Variants in RNF130 observed in about 807,000 individuals in gnomAD.
RNF130 encodes the protein E3 ubiquitin-protein ligase RNF130.
Under a neutral mutation model 44.6 loss-of-function variants are expected in RNF130, and 21 were observed. The observed-to-expected ratio is 0.47, with a 90% CI of 0.33 to 0.68. The LOEUF (loss-of-function observed/expected upper bound fraction) is 0.68. Among genes scored for constraint, RNF130 ranks in the 30% least tolerant of loss-of-function variants. The pLI is 0.02. For missense variants in RNF130, 479 were observed against 560.6 expected (o/e 0.85, Z 1.47); for synonymous variants, 214 against 210.4 (o/e 1.02, Z -0.15).
At chr5:180,018,106 C>T (rs1215693098) in intron 2 of RNF130, among the ~76,000 whole-genome samples, 1 of 152,054 alleles carries the variant, frequency 6.6e-6, no homozygotes, top group South Asian at 2.1e-4. Context: ...ACCAGCCTAG[C>T]CAATATGGCG....
intron 5 of RNF130, among the ~76,000 whole-genome samples, chr5:179,971,423 G>A (rs906277537): frequency 6.6e-6 from 1 of 152,234 alleles, no homozygotes; most frequent in South Asian, 2.1e-4. Flanking sequence ...AGGCTGAAGT[G>A]CAGTCGTGCA....
chr5:179,968,878 C>T (rs1047173777), intron 6 of RNF130, among the ~76,000 whole-genome samples: 2 of 152,028 alleles, frequency 1.3e-5, no homozygotes, highest in African/African-American at 4.8e-5. Context: ...ACAGGACAGC[C>T]CCCACAAGAA....
chr5:179,990,461 G>A (rs543040004), intron 3 of RNF130, among the ~76,000 whole-genome samples: 33 of 152,216 alleles, frequency 2.2e-4, no homozygotes, highest in Non-Finnish European at 3.7e-4. Flanking sequence ...GACCAGGGGC[G>A]TGACCGCTGA....
At chr5:180,016,498 T>C (rs1763737008) in intron 2 of RNF130, among the ~76,000 whole-genome samples, 1 of 152,228 alleles carries the variant, frequency 6.6e-6, no homozygotes, top group South Asian at 2.1e-4. Flanking sequence ...GGGCAAACAC[T>C]GCTAGTAAGT....
chr5:179,927,821 A>C (rs1761727881), intron 7 of RNF130, among the ~76,000 whole-genome samples: 1 of 151,822 alleles, frequency 6.6e-6, no homozygotes, highest in African/African-American at 2.4e-5. Context: ...CGATCTCCTG[A>C]CCTCATGATC....
At chr5:179,929,225 ACCCC>A (rs1761771133) in intron 7 of RNF130, among the ~76,000 whole-genome samples, 4 of 151,980 alleles carry the variant, frequency 2.6e-5, no homozygotes, top group African/African-American at 9.7e-5. Flanking sequence ...GACCATTCTT[ACCCC>A]ACGGCTTGTG....
chr5:179,923,015 T>C (rs1417264673), intron 7 of RNF130, among the ~76,000 whole-genome samples: 2 of 152,242 alleles, frequency 1.3e-5, no homozygotes, highest in Non-Finnish European at 2.9e-5. Flanking sequence ...GACATTGTTA[T>C]AACAATGTCT....
At chr5:180,009,690 C>T (rs1763541556) in intron 3 of RNF130, among the ~76,000 whole-genome samples, 1 of 152,178 alleles carries the variant, frequency 6.6e-6, no homozygotes, top group Non-Finnish European at 1.5e-5. Flanking sequence ...TAAATATGCA[C>T]TTATCTTAAC....
chr5:180,031,666 G>A (rs1042236200), intron 2 of RNF130, among the ~76,000 whole-genome samples: 1 of 152,162 alleles, frequency 6.6e-6, no homozygotes, highest in Admixed American at 6.5e-5. Flanking sequence ...GAACAACTGC[G>A]TTGTCTCTAC....
intron 7 of RNF130, among the ~76,000 whole-genome samples, chr5:179,944,633 A>G (rs1179027139): frequency 2.6e-5 from 4 of 151,496 alleles, no homozygotes; most frequent in Non-Finnish European, 4.4e-5. Flanking sequence ...TGAATTTTGT[A>G]GAGACAGTCC....
At chr5:180,062,202 G>A (rs557628420) in intron 1 of RNF130, among the ~76,000 whole-genome samples, 14 of 151,972 alleles carry the variant, frequency 9.2e-5, no homozygotes, top group Admixed American at 3.9e-4. Flanking sequence ...CTACAGGCAC[G>A]CACAGCCACG....
At chr5:180,005,353 G>C (rs934333808) in intron 3 of RNF130, among the ~76,000 whole-genome samples, 7 of 152,156 alleles carry the variant, frequency 4.6e-5, no homozygotes, top group Non-Finnish European at 1.0e-4. Flanking sequence ...GTCTGAACCT[G>C]GGAGGCGGAG....
chr5:179,981,985 C>T (rs1391565704), intron 3 of RNF130, among the ~76,000 whole-genome samples: 1 of 152,124 alleles, frequency 6.6e-6, no homozygotes, highest in Admixed American at 6.5e-5. Context: ...TTTCATTACC[C>T]ATGAAAACCT....
At chr5:180,043,836 T>C (rs1321580087) in intron 1 of RNF130, among the ~76,000 whole-genome samples, 3 of 152,202 alleles carry the variant, frequency 2.0e-5, no homozygotes, top group South Asian at 2.1e-4. Context: ...AAAACATTCA[T>C]ATTGGTAGTA....
In RNF130 at chr5:179,966,993, A is replaced by G; in HGVS notation, c.963T>C (p.Thr321=). ...TTTCCATATCGAATGCTACGTTATC[A>G]GTACATGGCAAATTCGGCTGCAAAA... ...ALGIVPNLPC[T]DNVAFDMERL... Residue 321 remains threonine (T), a synonymous_variant, in exon 7 of 9, where the codon ACT becomes ACC. Transcript: ENST00000521389. 7 of 1,613,040 alleles carry G rather than the reference A, an allele frequency of 4.3e-6. No homozygotes were observed. The highest frequency in any genetic ancestry group is 5.9e-6 in the Non-Finnish European group (7 of 1,179,516).
chr5:180,022,286 T>C (rs544523378), intron 2 of RNF130, among the ~76,000 whole-genome samples: 9 of 152,226 alleles, frequency 5.9e-5, no homozygotes, highest in African/African-American at 9.6e-5. Flanking sequence ...TCCATCCTCA[T>C]GAAACCTTCA....
At chr5:179,920,297 A>T (rs1390854940) in exon 8 of RNF130, 1 of 690,884 alleles carries the variant, frequency 1.4e-6, no homozygotes, top group Non-Finnish European at 2.7e-6. Context: ...TGACCCCAAC[A>T]GCCAGGCCAT....
intron 3 of RNF130, among the ~76,000 whole-genome samples, chr5:179,981,327 A>G (rs1359320838): frequency 2.0e-5 from 3 of 152,212 alleles, no homozygotes; most frequent in Non-Finnish European, 4.4e-5. Context: ...AGACACATCC[A>G]GGCCTTACAC....
chr5:180,006,895 C>A (rs1763473478), intron 3 of RNF130, among the ~76,000 whole-genome samples: 1 of 152,196 alleles, frequency 6.6e-6, no homozygotes, highest in Non-Finnish European at 1.5e-5. Flanking sequence ...GAACTATCTA[C>A]ACCTATAGAT....
Sources: gnomAD v4.1 joint callset for allele counts (sites outside exome capture counted in the v4.1 genomes callset) on GRCh38, gnomAD v4.1.1 for gene constraint, MANE v1.5 for transcripts, NCBI Gene and HGNC (gene_info 2026-07-23, HGNC 2026-07-21) for gene names.